The following PFKM variants were observed in gnomAD, a reference collection of about 807,000 sequenced individuals.
PFKM encodes ATP-dependent 6-phosphofructokinase, muscle type.
A neutral mutation model predicts 95.5 loss-of-function variants in PFKM; 58 were observed. The observed-to-expected ratio is 0.61, with a 90% CI of 0.49 to 0.76. The LOEUF is 0.76. Ranked by LOEUF, PFKM falls within the 30% of genes least tolerant of loss-of-function variation. PFKM has a pLI of 0.00. For synonymous variants in PFKM, 336 were observed against 357.2 expected (o/e 0.94, Z 0.67); for missense variants, 678 against 1,005.4 (o/e 0.67, Z 4.40).
At chr12:48,106,706 G>A (rs200950539) in intron 1 of PFKM, among the ~76,000 whole-genome samples, 1 of 151,034 alleles carries the variant, frequency 6.6e-6, no homozygotes, top group Admixed American at 6.6e-5. Flanking sequence ...CATTCAGCAA[G>A]CAAACAAACA....
Position 48,144,083 on chromosome 12 carries a change from A to C in PFKM, c.1918A>C (p.Ile640Leu), listed in dbSNP as rs142495522. 5.0e-6 allele frequency: 8 copies of C among 1,614,018 alleles called. No individual in the cohort carries two copies. The East Asian group carries it at 1.8e-4, about 36-fold the overall frequency. ...CAATGAGAACTATACCACTGACTTCATTTTCAACCTGTACTCTGAGGAGGG... is the reference window on the plus strand; with the variant it reads ...CAATGAGAACTATACCACTGACTTCCTTTTCAACCTGTACTCTGAGGAGGG... ...KCNENYTTDF[I>L]FNLYSEEGKG... Residue 640 changes from isoleucine to leucine, a missense_variant, in exon 20 of 23, where the codon ATT (isoleucine) becomes CTT (leucine). Transcript: ENST00000359794.
chr12:48,107,817 G>C (rs1037505429), intron 2 of PFKM, among the ~76,000 whole-genome samples: 1 of 152,136 alleles, frequency 6.6e-6, no homozygotes, highest in African/African-American at 2.4e-5. Flanking sequence ...AAAACTATCA[G>C]ATAAATCAAG....
chr12:48,121,004 A>G (rs991816067), intron 1 of PFKM, among the ~76,000 whole-genome samples: 42 of 152,174 alleles, frequency 2.8e-4, no homozygotes, highest in African/African-American at 9.7e-4. Flanking sequence ...TACAAAAATT[A>G]GCCGGGTGTG....
Position 48,139,826 on chromosome 12 carries a change from C to T in PFKM, c.1128-23C>T, listed in dbSNP as rs775017156. 1.9e-5 allele frequency: 29 copies of T among 1,545,686 alleles called. No homozygotes were observed. In the Middle Eastern group the frequency reaches 5.1e-4, roughly 27 times the overall value. ...TGTGGGGAATGGCCTGAAGACACCTCTCTCTATTTGTACTTCCTACAGGAG... is the reference window on the plus strand; with the variant it reads ...TGTGGGGAATGGCCTGAAGACACCTTTCTCTATTTGTACTTCCTACAGGAG... On this transcript the variant is annotated intron_variant, in intron 12 of 22. Coordinates refer to ENST00000359794, the MANE Select transcript of PFKM (RefSeq NM_000289.6).
In PFKM at chr12:48,133,318, A is replaced by C. The variant is rs1489733816; in HGVS notation, c.431A>C (p.Lys144Thr). ...CTGGTTTGCTTCTCATTGTCAGGTA[A>C]GATCACAGATGAGGAGGCTACGAAG... is the stretch of plus-strand genomic sequence containing the variant. Reference protein sequence around the residue: ...DLLSDLQKAGKITDEEATKSS... With the variant: ...DLLSDLQKAGTITDEEATKSS... Residue 144 changes from lysine (K) to threonine (T), a missense_variant, in exon 6 of 23, where the codon AAG (lysine) becomes ACG (threonine). Coordinates refer to ENST00000359794, the MANE Select transcript of PFKM (RefSeq NM_000289.6). 8.7e-6 allele frequency: 14 copies of C among 1,613,886 alleles called. No individual in the cohort carries two copies. Among genetic ancestry groups the C allele is most frequent in the Admixed American group, 1.7e-5 (1 of 60,002 alleles).
chr12:48,134,809 CT>C lies in PFKM; in HGVS notation c.730del (p.Cys244ValfsTer78), dbSNP rs1565890841. 1 of 1,613,948 alleles carries C rather than the reference CT, an allele frequency of 6.2e-7. No individual in the cohort carries two copies. The highest frequency in any genetic ancestry group is 8.5e-7 in the Non-Finnish European group (1 of 1,179,840). ...ACCAGATGACGACTGGGAGGAACAC[CT>C]TTGTCGCCGACTCAGCGAGGTACTT... ...CPPDDDWEEH[L>X]CRRLSETRTR... On this transcript the variant is annotated frameshift_variant, in exon 8 of 23. Transcript: ENST00000359794. LOFTEE classifies it high-confidence loss of function.
At chr12:48,133,957 T>G (rs2135901929) in intron 6 of PFKM, among the ~76,000 whole-genome samples, 1 of 152,216 alleles carries the variant, frequency 6.6e-6, no homozygotes, top group Middle Eastern at 3.4e-3. Flanking sequence ...TCCCTTCACT[T>G]CTTATCCTTT....
chr12:48,141,839 C>G lies in PFKM; in HGVS notation c.1500+12C>G. 1 of 1,612,784 alleles carries G rather than the reference C, an allele frequency of 6.2e-7. No homozygotes were observed. Among genetic ancestry groups the G allele is most frequent in the Non-Finnish European group, 8.5e-7 (1 of 1,178,828 alleles). On this transcript the variant is annotated intron_variant, in intron 16 of 22. Transcript: ENST00000359794. ...TTGGGGGCTTTGAGGTGAGTGCCTGCCACCATTTCTTCCTCTCTCCCTCCT... is the reference window on the plus strand; with the variant it reads ...TTGGGGGCTTTGAGGTGAGTGCCTGGCACCATTTCTTCCTCTCTCCCTCCT...
intron 3 of PFKM, among the ~76,000 whole-genome samples, chr12:48,109,329 C>G (rs897346689): frequency 4.0e-5 from 6 of 148,516 alleles, no homozygotes; most frequent in Non-Finnish European, 7.4e-5. Flanking sequence ...CTTCCTCCCT[C>G]CCTCCCTTCC....
In PFKM at chr12:48,139,228, C is replaced by T; in HGVS notation, c.1063-57C>T. 3 of 1,362,334 alleles carry T rather than the reference C, an allele frequency of 2.2e-6. No homozygotes were observed. In the South Asian group the frequency reaches 3.5e-5, roughly 16 times the overall value. The allele number at this position is 1,362,334 out of a possible 1,614,324, so 84.4% of individuals were successfully genotyped here. On this transcript the variant is annotated intron_variant, in intron 11 of 22. Coordinates refer to ENST00000359794, the MANE Select transcript of PFKM (RefSeq NM_000289.6). ...CAGAGTTCGACTGTGGGATGGAGTTCCAGCTGTGCAGAATCCTGACCCTGG... is the reference window on the plus strand; with the variant it reads ...CAGAGTTCGACTGTGGGATGGAGTTTCAGCTGTGCAGAATCCTGACCCTGG...
At chr12:48,141,166 G>A in intron 14 of PFKM, 145 bp from the exon 15 acceptor site, 4 of 781,180 alleles carry the variant, frequency 5.1e-6, no homozygotes, top group South Asian at 4.4e-5. Context: ...GAAGTTGAGT[G>A]CGTGGGGAAA....
chr12:48,130,498 T>TC (rs1388566395), intron 3 of PFKM, 62 bp downstream of exon 3: 1 of 1,241,264 alleles, frequency 8.1e-7, no homozygotes, highest in Non-Finnish European at 1.2e-6. Context: ...CTGCCTTCTA[T>TC]CCCCTTCCCA....
At chr12:48,121,275 G>T (rs1223655338) in intron 1 of PFKM, among the ~76,000 whole-genome samples, 1 of 152,220 alleles carries the variant, frequency 6.6e-6, no homozygotes, top group Non-Finnish European at 1.5e-5. Context: ...CACTAAAGTG[G>T]GAAGAGCAAA....
intron 3 of PFKM, among the ~76,000 whole-genome samples, chr12:48,110,384 T>C (rs1230040110): frequency 6.6e-6 from 1 of 152,160 alleles, no homozygotes; most frequent in Non-Finnish European, 1.5e-5. Context: ...ATATTGCGTT[T>C]TAAAACATCT....
rs749656488 is a variant in PFKM at position 48,141,842 on chromosome 12, C to T, written c.1500+15C>T. The T allele has an allele frequency of 1.2e-6, 2 of 1,613,318 alleles. No individual in the cohort carries two copies. The highest frequency in any genetic ancestry group is 2.2e-5 in the East Asian group (1 of 44,862). The stretch of plus-strand genomic sequence containing the variant: ...GGGGCTTTGAGGTGAGTGCCTGCCA[C>T]CATTTCTTCCTCTCTCCCTCCTACC... On this transcript the variant is annotated intron_variant, in intron 16 of 22. Transcript: ENST00000359794.
chr12:48,145,783 T>A lies in PFKM; in HGVS notation c.*75T>A. On this transcript the variant is annotated 3_prime_UTR_variant, in exon 23 of 23. Transcript: ENST00000359794. This position sits in a 1 kb window ranked among gnomAD's most constrained non-coding sequence, Gnocchi z 4.3. Reference sequence around the variant, plus strand: ...CCCTAATAAGTCCACATCTTCTCAGTGTTTTAGCTGTTTTTTTCATTAGGT... The same window carrying A: ...CCCTAATAAGTCCACATCTTCTCAGAGTTTTAGCTGTTTTTTTCATTAGGT... 1 of 1,482,720 alleles carries A rather than the reference T, an allele frequency of 6.7e-7. No homozygotes were observed. The highest frequency in any genetic ancestry group is 1.1e-5 in the South Asian group (1 of 88,084). 91.8% of individuals were successfully genotyped at this position (1,482,720 alleles called of 1,614,324 possible).
chr12:48,119,254 A>T, upstream of PFKM: 20 of 984,506 alleles, frequency 2.0e-5, no homozygotes, highest in Non-Finnish European at 2.3e-5. Flanking sequence ...CCTTCTTGTC[A>T]GCATCTGTTA....
chr12:48,124,574 T>C (rs367643754), intron 2 of PFKM, among the ~76,000 whole-genome samples: 1 of 152,140 alleles, frequency 6.6e-6, no homozygotes, highest in Admixed American at 6.5e-5. Flanking sequence ...CCTTCCACCT[T>C]CTGATCCTGA....
At chr12:48,131,286 C>G (rs573702755) in intron 3 of PFKM, 30 bp from the exon 4 acceptor site, 2 of 1,485,020 alleles carry the variant, frequency 1.3e-6, no homozygotes, top group South Asian at 1.1e-5. Flanking sequence ...AGAAGCCTAA[C>G]GGGCTGAACA....
Sources: allele counts gnomAD v4.1 joint callset (sites outside exome capture counted in the v4.1 genomes callset), GRCh38; gene constraint gnomAD v4.1.1; non-coding constraint Gnocchi (gnomAD v3.1); transcripts MANE v1.5; gene names NCBI Gene and HGNC (gene_info 2026-07-23, HGNC 2026-07-21).